ZNF385D: variants seen among roughly 807,000 people sequenced by gnomAD.
ZNF385D encodes the protein zinc finger protein 659.
ZNF385D carries 15 observed loss-of-function variants against 35.8 expected under a neutral mutation model. The observed-to-expected ratio is 0.42, with a 90% confidence interval of 0.28 to 0.64. ZNF385D has a LOEUF of 0.64. Among genes scored for constraint, ZNF385D ranks in the 30% least tolerant of loss-of-function variants. ZNF385D has a pLI of 0.23. For synonymous variants in ZNF385D, 212 were observed against 186.8 expected, an observed-to-expected ratio of 1.13 and a Z score of -1.10; for missense variants, 474 against 494.6, an observed-to-expected ratio of 0.96 and a Z score of 0.39.
intron 2 of ZNF385D, among the ~76,000 whole-genome samples, chr3:21,636,378 T>TCTATA (rs2065437484): frequency 2.1e-5 from 1 of 47,984 alleles, no homozygotes; most frequent in African/African-American, 9.0e-5. Context: ...ATATATATGA[T>TCTATA]TATATATATA....
At chr3:22,031,678 A>G (rs1698011812) in intron 3 of ZNF385D, among the ~76,000 whole-genome samples, 1 of 152,070 alleles carries the variant, frequency 6.6e-6, no homozygotes, top group African/African-American at 2.4e-5. Flanking sequence ...TGCCCTGGAG[A>G]CATTTTCCCC....
chr3:21,601,185 A>G (rs2064279482), intron 2 of ZNF385D, among the ~76,000 whole-genome samples: 1 of 152,182 alleles, frequency 6.6e-6, no homozygotes, highest in Admixed American at 6.5e-5. Flanking sequence ...GAATCCATAT[A>G]CTCCACTTGA....
chr3:22,082,756 G>A (rs993288880), intron 3 of ZNF385D, among the ~76,000 whole-genome samples: 3 of 152,166 alleles, frequency 2.0e-5, no homozygotes, highest in African/African-American at 7.2e-5. Context: ...TCCACAAGTG[G>A]GTCCCTAACC....
At chr3:21,762,831 G>A (rs2070678232) in intron 3 of ZNF385D, among the ~76,000 whole-genome samples, 1 of 152,068 alleles carries the variant, frequency 6.6e-6, no homozygotes, top group African/African-American at 2.4e-5. Flanking sequence ...ATTCATCTTG[G>A]ACCAACTTGG....
At chr3:21,924,166 G>A (rs1295616144) in intron 3 of ZNF385D, among the ~76,000 whole-genome samples, 2 of 152,048 alleles carry the variant, frequency 1.3e-5, no homozygotes, top group African/African-American at 4.8e-5. Flanking sequence ...CCTGGAAAAT[G>A]GAACAGATGT....
intron 3 of ZNF385D, among the ~76,000 whole-genome samples, chr3:22,121,650 G>A (rs1262458570): frequency 6.6e-6 from 1 of 150,986 alleles, no homozygotes; most frequent in African/African-American, 2.4e-5. Flanking sequence ...CAAAACTTAG[G>A]GGAAGTTGTT....
At chr3:21,843,397 G>T (rs548758919) in intron 3 of ZNF385D, among the ~76,000 whole-genome samples, 2 of 151,908 alleles carry the variant, frequency 1.3e-5, no homozygotes, top group Non-Finnish European at 2.9e-5. Flanking sequence ...TTATCCCTGA[G>T]GATATGTTTC....
At chr3:21,431,615 C>T (rs1398252577) in intron 5 of ZNF385D, among the ~76,000 whole-genome samples, 5 of 152,062 alleles carry the variant, frequency 3.3e-5, no homozygotes, top group African/African-American at 1.2e-4. Flanking sequence ...CTCCAATATT[C>T]AAATATGCCC....
At chr3:21,924,491 C>A (rs1575928553) in intron 3 of ZNF385D, among the ~76,000 whole-genome samples, 1 of 152,186 alleles carries the variant, frequency 6.6e-6, no homozygotes, top group East Asian at 1.9e-4. Flanking sequence ...AACTGCTCAA[C>A]CCCAGTGAAA....
intron 3 of ZNF385D, among the ~76,000 whole-genome samples, chr3:21,980,735 G>C (rs1037360784): frequency 6.6e-5 from 10 of 152,050 alleles, no homozygotes; most frequent in African/African-American, 2.4e-4. Context: ...ACCTCAACCA[G>C]ACCACAGTGT....
chr3:21,662,675 C>A (rs2066274931), intron 2 of ZNF385D, among the ~76,000 whole-genome samples: 1 of 152,146 alleles, frequency 6.6e-6, no homozygotes, highest in Admixed American at 6.6e-5. Context: ...CCTTGACCAT[C>A]ACTGGAAGGG....
chr3:21,722,434 G>A (rs1306064775), intron 1 of ZNF385D, among the ~76,000 whole-genome samples: 1 of 152,130 alleles, frequency 6.6e-6, no homozygotes, highest in Non-Finnish European at 1.5e-5. Context: ...TGTTTGCCTT[G>A]CTCTTCTCAT....
At chr3:21,872,213 G>A (rs1049272889) in intron 3 of ZNF385D, among the ~76,000 whole-genome samples, 1 of 152,072 alleles carries the variant, frequency 6.6e-6, no homozygotes, top group African/African-American at 2.4e-5. Context: ...ATTTATTGAT[G>A]CTCGAGTAAT....
At chr3:22,077,019 C>T (rs1700497565) in intron 3 of ZNF385D, among the ~76,000 whole-genome samples, 1 of 151,848 alleles carries the variant, frequency 6.6e-6, no homozygotes, top group African/African-American at 2.4e-5. Context: ...AGAGGCCATG[C>T]TTTAAAAATA....
chr3:21,605,335 G>T (rs2064446202), intron 2 of ZNF385D, among the ~76,000 whole-genome samples: 1 of 152,162 alleles, frequency 6.6e-6, no homozygotes, highest in African/African-American at 2.4e-5. Context: ...CCTGAGTTAG[G>T]CACAGCAGCA....
intron 3 of ZNF385D, among the ~76,000 whole-genome samples, chr3:21,889,724 A>C (rs1698743960): frequency 6.6e-6 from 1 of 152,172 alleles, no homozygotes; most frequent in Non-Finnish European, 1.5e-5. Context: ...GTATGAGTTT[A>C]CAAGGGCTGC....
intron 3 of ZNF385D, among the ~76,000 whole-genome samples, chr3:21,854,886 G>A (rs76998248): frequency 0.012 from 1,866 of 152,030 alleles, 19 homozygotes; most frequent in Non-Finnish European, 0.019. Context: ...AATGATGACA[G>A]GTTTGAGTAG....
At chr3:21,532,373 G>C (rs1018482583) in intron 3 of ZNF385D, among the ~76,000 whole-genome samples, 1 of 152,114 alleles carries the variant, frequency 6.6e-6, no homozygotes, top group Admixed American at 6.5e-5. Flanking sequence ...GGGAGGGAAG[G>C]TACCTGAAAA....
At chr3:21,629,738 T>G (rs7649285) in intron 2 of ZNF385D, among the ~76,000 whole-genome samples, 93,194 of 152,046 alleles carry the variant, frequency 0.61, 28,865 homozygotes, top group Middle Eastern at 0.65. Context: ...TACCAGAGAA[T>G]GGAATCTAAG....
Sources: allele counts gnomAD v4.1 joint callset (sites outside exome capture counted in the v4.1 genomes callset), GRCh38; gene constraint gnomAD v4.1.1; transcripts MANE v1.5; gene names NCBI Gene and HGNC (gene_info 2026-07-23, HGNC 2026-07-21).